Variants in BIRC6 observed in about 807,000 individuals in gnomAD.
BIRC6 encodes the protein dual E2 ubiquitin-conjugating enzyme/E3 ubiquitin-protein ligase BIRC6.
Under a neutral mutation model 503.3 loss-of-function variants are expected in BIRC6, and 98 were observed. The observed-to-expected ratio is 0.19, with a 90% CI of 0.17 to 0.23. The LOEUF (loss-of-function observed/expected upper bound fraction) is 0.23, where lower values mean the gene tolerates loss of function less well. Among genes scored for constraint, BIRC6 ranks in the 10% least tolerant of loss-of-function variants. The probability of loss-of-function intolerance (pLI) is 1.00; values close to 1 mark genes in which losing one functional copy is unlikely to be tolerated. For synonymous variants in BIRC6, 2,240 were observed against 2,078.7 expected (o/e 1.08, Z -2.11); for missense variants, 5,360 against 5,806.0 (o/e 0.92, Z 2.50).
At chr2:32,449,555 T>C (rs2046454577) in intron 22 of BIRC6, among the ~76,000 whole-genome samples, 1 of 152,228 alleles carries the variant, frequency 6.6e-6, no homozygotes, top group African/African-American at 2.4e-5. Flanking sequence ...TTGTACTTAT[T>C]GCAGATGTTG....
At position 32,469,582 on chromosome 2, in the gene BIRC6, T is replaced by C. The variant is rs2048908385; in HGVS notation, c.6315T>C (p.Asn2105=). 1.9e-6 allele frequency: 3 copies of C among 1,613,786 alleles called. No individual in the cohort carries two copies. The South Asian group carries it at 3.3e-5, about 18-fold the overall frequency. ...CTAATGTCCTTCAGGAATTGTACAA[T>C]TCGGAACAGCTTCTCATCTTTCCAC... The part of the protein sequence containing the change: ...FLSNVLQELY[N]SEQLLIFPQD... The change falls in exon 30 of 74, where the codon AAT becomes AAC. Residue 2105 remains asparagine (N), a synonymous_variant. Transcript: ENST00000421745.
At chr2:32,543,148 A>G (rs1474645117) in intron 61 of BIRC6, 93 bp from the exon 62 acceptor site, 15 of 1,306,132 alleles carry the variant, frequency 1.1e-5, no homozygotes, top group East Asian at 2.5e-5. Flanking sequence ...TTATAATCCT[A>G]TATTTTAAAG....
chr2:32,523,553 T>C (rs1052052879), intron 57 of BIRC6: 3 of 152,234 alleles, frequency 2.0e-5, no homozygotes, highest in African/African-American at 7.2e-5. Context: ...CACCATGCAT[T>C]TGTTATGTGT....
At chr2:32,530,350 A>G (rs1453338413) in intron 60 of BIRC6, among the ~76,000 whole-genome samples, 2 of 152,032 alleles carry the variant, frequency 1.3e-5, no homozygotes, top group Non-Finnish European at 2.9e-5. Flanking sequence ...AGCTGGGATT[A>G]CTGGCACCCA....
intron 26 of BIRC6, among the ~76,000 whole-genome samples, chr2:32,466,282 T>G (rs926602653): frequency 2.6e-5 from 4 of 152,220 alleles, no homozygotes; most frequent in African/African-American, 9.7e-5. Context: ...TATGACATTA[T>G]TAATGATCTG....
intron 61 of BIRC6, among the ~76,000 whole-genome samples, chr2:32,539,511 AC>A (rs1488232234): frequency 6.6e-6 from 1 of 152,222 alleles, no homozygotes; most frequent in Non-Finnish European, 1.5e-5. Context: ...TAAATTGGAA[AC>A]CAATAGCGGT....
chr2:32,357,743 G>A lies in BIRC6; in HGVS notation c.325+257G>A, dbSNP rs2033329409. ...GTTGCCTTTCGGGCCTGGAGCGTCC[G>A]GTCTGGCTTGGTCCTCCGCGAGAGG... On this transcript the variant is annotated intron_variant, in intron 1 of 73. Coordinates refer to ENST00000421745, the MANE Select transcript of BIRC6 (RefSeq NM_016252.4). This position sits in a 1 kb window ranked among gnomAD's most constrained non-coding sequence, Gnocchi z 4.9. Among the ~76,000 whole-genome samples the A allele has an allele frequency of 1.3e-5, 2 of 152,140 alleles. No homozygotes were observed. The highest frequency in any genetic ancestry group is 2.9e-5 in the Non-Finnish European group (2 of 68,034).
chr2:32,493,239 T>G (rs1274175538), intron 44 of BIRC6, among the ~76,000 whole-genome samples: 1 of 152,040 alleles, frequency 6.6e-6, no homozygotes, highest in Non-Finnish European at 1.5e-5. Flanking sequence ...AAAAGCATTA[T>G]AAAAGTATTT....
intron 71 of BIRC6, among the ~76,000 whole-genome samples, chr2:32,605,514 A>C (rs542240964): frequency 1.3e-5 from 2 of 152,300 alleles, no homozygotes; most frequent in African/African-American, 4.8e-5. Flanking sequence ...TTAAGAGGGA[A>C]GAGGACAGTA....
intron 51 of BIRC6, 130 bp from the exon 52 acceptor site, chr2:32,509,608 A>G (rs1558928349): frequency 9.5e-7 from 1 of 1,056,598 alleles, no homozygotes; most frequent in Non-Finnish European, 1.4e-6. Flanking sequence ...GCAGCATTCT[A>G]AAAAAACATG....
chr2:32,411,805 A>G (rs1366119814), intron 9 of BIRC6, among the ~76,000 whole-genome samples: 1 of 152,110 alleles, frequency 6.6e-6, no homozygotes, highest in Non-Finnish European at 1.5e-5. Context: ...TTATGGTATT[A>G]TTGCTAATGA....
Position 32,618,805 on chromosome 2 carries a change from A to G in BIRC6, c.*901A>G, listed in dbSNP as rs1320625328. The G allele has an allele frequency of 1.3e-5, 2 of 152,582 alleles. No homozygotes were observed. The highest frequency in any genetic ancestry group is 1.9e-4 in the East Asian group (1 of 5,182). The allele number at this position is 152,582 out of a possible 1,614,324, so 9.5% of individuals were successfully genotyped here. On this transcript the variant is annotated 3_prime_UTR_variant, in exon 74 of 74. Coordinates refer to ENST00000421745, the MANE Select transcript of BIRC6 (RefSeq NM_016252.4). ...TACCTCTCTGGTGCTGTTACAGTAC[A>G]TTCTGTACCTGCCATACAGGCTCAT...
chr2:32,568,493 A>C (rs1222343792), intron 65 of BIRC6, among the ~76,000 whole-genome samples: 6 of 44,826 alleles, frequency 1.3e-4, no homozygotes, highest in Non-Finnish European at 1.9e-4. Flanking sequence ...CCTTGGCGCA[A>C]AAAAAAAAAA....
chr2:32,609,323 C>T (rs1472584898), intron 72 of BIRC6, among the ~76,000 whole-genome samples: 1 of 125,432 alleles, frequency 8.0e-6, no homozygotes, highest in African/African-American at 2.7e-5. Flanking sequence ...AGCTTTTTGC[C>T]TGTGATTAGT....
chr2:32,513,147 C>CT lies in BIRC6; in HGVS notation c.10562dup (p.Phe3522LeufsTer2). ...CTTACCAGCACTCCTGGACCAAGAG[C>CT]TCTTTGAGTAAGTATGATTTGTGAA... On this transcript the variant is annotated frameshift_variant, in exon 54 of 74. Transcript: ENST00000421745. LOFTEE classifies it high-confidence loss of function. 1 of 1,612,064 alleles carries CT rather than the reference C, an allele frequency of 6.2e-7. No homozygotes were observed. The highest frequency in any genetic ancestry group is 8.5e-7 in the Non-Finnish European group (1 of 1,178,542).
At chr2:32,515,825 A>G in intron 55 of BIRC6, 55 bp downstream of exon 55, 1 of 1,453,706 alleles carries the variant, frequency 6.9e-7, no homozygotes, top group Non-Finnish European at 9.2e-7. Context: ...AGAAAGGGCC[A>G]TGTATAAAGG....
At chr2:32,545,941 T>A in intron 63 of BIRC6, 81 bp downstream of exon 63, 3 of 1,282,620 alleles carry the variant, frequency 2.3e-6, no homozygotes, top group Non-Finnish European at 2.2e-6. Flanking sequence ...TTTTCTGAAT[T>A]AATCTTTCAG....
intron 3 of BIRC6, among the ~76,000 whole-genome samples, chr2:32,383,777 C>T (rs776007534): frequency 3.9e-5 from 6 of 152,190 alleles, no homozygotes; most frequent in Admixed American, 1.3e-4. Context: ...GGTGATCCAA[C>T]CGTCTTGGCC....
chr2:32,464,344 C>T (rs1572414045), intron 24 of BIRC6, among the ~76,000 whole-genome samples, 165 bp from the exon 25 acceptor site: 2 of 152,284 alleles, frequency 1.3e-5, no homozygotes, highest in East Asian at 3.9e-4. Context: ...GTGTATATAG[C>T]AAAGCAATGA....
Sources: allele counts gnomAD v4.1 joint callset (sites outside exome capture counted in the v4.1 genomes callset), GRCh38; gene constraint gnomAD v4.1.1; non-coding constraint Gnocchi (gnomAD v3.1); transcripts MANE v1.5; gene names NCBI Gene and HGNC (gene_info 2026-07-23, HGNC 2026-07-21).